Variants in IFIH1 observed in about 807,000 individuals in gnomAD.
The protein encoded by IFIH1 is interferon induced with helicase C domain 1.
IFIH1 carries 125 observed loss-of-function variants against 107.4 expected under a neutral mutation model. That is an observed-to-expected ratio of 1.16 (90% CI 1.01 to 1.35). The LOEUF is 1.35. Ranked by LOEUF, IFIH1 falls within the 40% of genes most tolerant of loss-of-function variation. IFIH1 has a pLI of 0.00. For missense variants in IFIH1, 1,333 were observed against 1,213.7 expected, an observed-to-expected ratio of 1.10 and a Z score of -1.46; for synonymous variants, 458 against 413.2, an observed-to-expected ratio of 1.11 and a Z score of -1.31.
At chr2:162,289,735 CT>C (rs1218222998) in intron 4 of IFIH1, among the ~76,000 whole-genome samples, 1 of 151,838 alleles carries the variant, frequency 6.6e-6, no homozygotes, top group African/African-American at 2.4e-5. Flanking sequence ...GGAAATTTGC[CT>C]TTTGTATGGA....
In IFIH1 at chr2:162,318,087, C is replaced by T. The variant is rs765738865; in HGVS notation, c.221G>A (p.Gly74Asp). The change falls in exon 1 of 16, where the codon GGT (glycine) becomes GAT (aspartate). Residue 74 changes from glycine to aspartate, a missense_variant. Gly to Asp is a moderately conservative substitution (Grantham distance 94). Coordinates refer to ENST00000649979, the MANE Select transcript of IFIH1 (RefSeq NM_022168.4). ...GGCCTCCACGAATTCCCGAGTCCAACCAAGGTGCCAGACTCCCTTCTCCAA... is the reference window on the plus strand; with the variant it reads ...GGCCTCCACGAATTCCCGAGTCCAATCAAGGTGCCAGACTCCCTTCTCCAA... Reference protein sequence around the residue: ...STLEKGVWHLGWTREFVEALR... With the variant: ...STLEKGVWHLDWTREFVEALR... The T allele has an allele frequency of 6.8e-6, 11 of 1,614,086 alleles. No homozygotes were observed. In the South Asian group the frequency reaches 1.2e-4, roughly 18 times the overall value.
At chr2:162,280,192 A>C (rs1682780505) in intron 7 of IFIH1, 80 bp from the exon 8 acceptor site, 8 of 769,372 alleles carry the variant, frequency 1.0e-5, no homozygotes, top group South Asian at 4.7e-5. Flanking sequence ...TTTTTCATGT[A>C]AAAAATATGT....
At chr2:162,272,966 A>G (rs1691074378) in intron 12 of IFIH1, among the ~76,000 whole-genome samples, 1 of 152,238 alleles carries the variant, frequency 6.6e-6, no homozygotes, top group African/African-American at 2.4e-5. Flanking sequence ...CCTATCAACT[A>G]TAAAAGTATC....
intron 5 of IFIH1, among the ~76,000 whole-genome samples, chr2:162,285,130 G>A (rs972055751): frequency 6.6e-6 from 1 of 151,942 alleles, no homozygotes; most frequent in African/African-American, 2.4e-5. Context: ...ATGTGACAGA[G>A]TGCCTGCCAA....
intron 5 of IFIH1, among the ~76,000 whole-genome samples, chr2:162,284,646 G>C (rs1050219342): frequency 8.6e-5 from 13 of 151,900 alleles, no homozygotes; most frequent in Non-Finnish European, 1.9e-4. Flanking sequence ...TCAGTTTTCT[G>C]ATGGGAAAAA....
chr2:162,317,541 G>A (rs1683522211), intron 1 of IFIH1, among the ~76,000 whole-genome samples: 1 of 152,146 alleles, frequency 6.6e-6, no homozygotes, highest in African/African-American at 2.4e-5. Flanking sequence ...GGGTTACTCT[G>A]AACATGAACT....
chr2:162,317,139 G>C (rs1235974166), intron 1 of IFIH1, among the ~76,000 whole-genome samples: 1 of 151,958 alleles, frequency 6.6e-6, no homozygotes, highest in African/African-American at 2.4e-5. Context: ...TAAAATGCCA[G>C]ATAATAAATA....
At chr2:162,297,191 T>A (rs1329138231) in intron 3 of IFIH1, among the ~76,000 whole-genome samples, 1 of 152,070 alleles carries the variant, frequency 6.6e-6, no homozygotes, top group Non-Finnish European at 1.5e-5. Context: ...CAAGAAAGTG[T>A]TTGCGTGAAG....
intron 6 of IFIH1, 85 bp downstream of exon 6, chr2:162,282,281 A>G: frequency 2.4e-6 from 2 of 831,560 alleles, no homozygotes; most frequent in Non-Finnish European, 3.7e-6. Context: ...TTAAGCCACG[A>G]ACATTTAAAA....
chr2:162,294,891 C>T (rs1421903251), intron 3 of IFIH1, among the ~76,000 whole-genome samples: 1 of 151,802 alleles, frequency 6.6e-6, no homozygotes, highest in Non-Finnish European at 1.5e-5. Context: ...AAAAAATAGA[C>T]ACATAGTATG....
At chr2:162,311,974 T>A (rs1683391670) in intron 1 of IFIH1, among the ~76,000 whole-genome samples, 1 of 152,142 alleles carries the variant, frequency 6.6e-6, no homozygotes, top group Non-Finnish European at 1.5e-5. Flanking sequence ...AACTCAGATA[T>A]TAAAGAAAAA....
intron 3 of IFIH1, among the ~76,000 whole-genome samples, chr2:162,304,550 A>T (rs1683247473): frequency 6.6e-6 from 1 of 152,226 alleles, no homozygotes; most frequent in African/African-American, 2.4e-5. Context: ...TGTGAAAAAA[A>T]TTGGTACTAT....
chr2:162,267,391 AAG>A lies in IFIH1; in HGVS notation c.2899-14_2899-13del. 6.2e-7 allele frequency: 1 copy of A among 1,613,942 alleles called. No individual in the cohort carries two copies. Among genetic ancestry groups the A allele is most frequent in the Non-Finnish European group, 8.5e-7 (1 of 1,179,922 alleles). ...ATTGTTCCCCAAGCCTGGAAAACAA[AAG>A]AGAGAGCAAGAGGAAAATTAAATGT... On this transcript the variant is annotated splice_polypyrimidine_tract_variant and intron_variant, in intron 15 of 15. Transcript: ENST00000649979.
At chr2:162,315,356 G>A (rs1683469802) in intron 1 of IFIH1, among the ~76,000 whole-genome samples, 1 of 152,106 alleles carries the variant, frequency 6.6e-6, no homozygotes, top group Admixed American at 6.5e-5. Flanking sequence ...TCCTAGTTAG[G>A]TTCTGGGATG....
At chr2:162,280,205 C>T in intron 7 of IFIH1, 93 bp from the exon 8 acceptor site, 3 of 719,482 alleles carry the variant, frequency 4.2e-6, no homozygotes, top group Non-Finnish European at 7.3e-6. Flanking sequence ...AAATATGTAG[C>T]ATTAAATTGT....
chr2:162,272,106 TA>T (rs1691051100), intron 13 of IFIH1, 119 bp downstream of exon 13: 3 of 792,672 alleles, frequency 3.8e-6, no homozygotes, highest in Admixed American at 4.5e-5. Context: ...CACAGTTCAC[TA>T]AACAGAAACT....
At chr2:162,306,502 T>C (rs1360172767) in intron 3 of IFIH1, among the ~76,000 whole-genome samples, 1 of 152,236 alleles carries the variant, frequency 6.6e-6, no homozygotes, top group Non-Finnish European at 1.5e-5. Context: ...TGTGTTCATA[T>C]TTATAACACA....
intron 3 of IFIH1, among the ~76,000 whole-genome samples, chr2:162,302,299 G>A (rs1214787766): frequency 1.3e-5 from 2 of 152,068 alleles, no homozygotes; most frequent in Non-Finnish European, 2.9e-5. Flanking sequence ...TATGCACTGA[G>A]AAAATATTTG....
At chr2:162,308,924 C>T (rs1341611805) in intron 2 of IFIH1, among the ~76,000 whole-genome samples, 1 of 152,214 alleles carries the variant, frequency 6.6e-6, no homozygotes, top group Admixed American at 6.5e-5. Context: ...TTGTCCAAAT[C>T]AGACGTAGAT....
Sources: allele counts gnomAD v4.1 joint callset (sites outside exome capture counted in the v4.1 genomes callset), GRCh38; gene constraint gnomAD v4.1.1; transcripts MANE v1.5; gene names NCBI Gene and HGNC (gene_info 2026-07-23, HGNC 2026-07-21).